Variants in TRIM24 observed in about 807,000 individuals in gnomAD.
TRIM24 encodes the protein tripartite motif containing 24.
In TRIM24, 29 loss-of-function variants were observed where a neutral mutation model predicts 123.9. The ratio of observed to expected loss-of-function variants is 0.23; its 90% CI spans 0.17 to 0.32. The LOEUF is 0.32. TRIM24 is among the 10% of genes least tolerant of loss of function. TRIM24 has a pLI of 1.00. For synonymous variants in TRIM24, 456 were observed against 461.1 expected (o/e 0.99, Z 0.14); for missense variants, 932 against 1,295.3 (o/e 0.72, Z 4.31).
chr7:138,507,794 G>A (rs1447673992), intron 2 of TRIM24, among the ~76,000 whole-genome samples: 4 of 152,114 alleles, frequency 2.6e-5, no homozygotes, highest in Admixed American at 6.5e-5. Context: ...CAAGCTGGGT[G>A]TGGTGGTGTG....
rs1408561935 is a variant in TRIM24 at position 138,523,959 on chromosome 7, G to T, written c.765-1282G>T. Among the ~76,000 whole-genome samples, 6 of 152,122 alleles carry T rather than the reference G, an allele frequency of 3.9e-5. No homozygotes were observed. In the East Asian group the frequency reaches 1.2e-3, roughly 29 times the overall value. ...AACGGAAAATAAGTAGGAAACAGAT[G>T]ATTTGAGAGGAGGGGAAAACTTGCC... On this transcript the variant is annotated intron_variant, in intron 4 of 18. Transcript: ENST00000343526.
chr7:138,469,959 G>A (rs1795234155), intron 1 of TRIM24, among the ~76,000 whole-genome samples: 1 of 152,028 alleles, frequency 6.6e-6, no homozygotes, highest in African/African-American at 2.4e-5. Flanking sequence ...TGTGCCTTAG[G>A]AAGTGGAATG....
chr7:138,570,617 T>TA lies in TRIM24; in HGVS notation c.1705-208dup, dbSNP rs554988048. On this transcript the variant is annotated intron_variant, in intron 10 of 18. Transcript: ENST00000343526. ...GTATATACTAACTGTTGTCTTCCAG[T>TA]AAAAATCAGTGCTTTTTACTGTTTT... Among the ~76,000 whole-genome samples, 231 of 150,976 alleles carry TA rather than the reference T, an allele frequency of 1.5e-3. 1 individual carries two copies. The highest frequency in any genetic ancestry group is 5.5e-3 in the African/African-American group (225 of 41,278).
At chr7:138,471,599 G>C (rs773379493) in intron 1 of TRIM24, among the ~76,000 whole-genome samples, 1 of 151,840 alleles carries the variant, frequency 6.6e-6, no homozygotes, top group Non-Finnish European at 1.5e-5. Context: ...GGAGTGCAGT[G>C]GTGCAATCTT....
chr7:138,561,831 C>T (rs1797434395), intron 9 of TRIM24, among the ~76,000 whole-genome samples: 1 of 152,182 alleles, frequency 6.6e-6, no homozygotes, highest in Admixed American at 6.5e-5. Flanking sequence ...CCTGGTCAGC[C>T]TCCCACAGGA....
At chr7:138,513,588 A>G (rs2116551974) in intron 2 of TRIM24, among the ~76,000 whole-genome samples, 1 of 152,006 alleles carries the variant, frequency 6.6e-6, no homozygotes, top group Non-Finnish European at 1.5e-5. Flanking sequence ...CACACACTTA[A>G]ACAACTAGAT....
intron 3 of TRIM24, among the ~76,000 whole-genome samples, chr7:138,518,173 A>G (rs1796438138): frequency 1.3e-5 from 2 of 152,222 alleles, no homozygotes; most frequent in Non-Finnish European, 2.9e-5. Context: ...TAAGAATGAG[A>G]TGGATACATA....
At position 138,567,654 on chromosome 7, in the gene TRIM24, G is replaced by GGT; in HGVS notation, c.1704+1_1704+2dup. Reference sequence around the variant, plus strand: ...TCTTGGCTCAACAAGCCATAAAACAGGTATATATCTACCTTCTTTTCTCAA... The same window carrying GGT: ...TCTTGGCTCAACAAGCCATAAAACAGGTGTATATATCTACCTTCTTTTCTCAA... On this transcript the variant is annotated frameshift_variant and splice_region_variant. Transcript: ENST00000343526. LOFTEE classifies it high-confidence loss of function. 1.3e-6 allele frequency: 2 copies of GGT among 1,599,892 alleles called. No homozygotes were observed. Among genetic ancestry groups the GGT allele is most frequent in the Non-Finnish European group, 1.7e-6 (2 of 1,174,564 alleles).
chr7:138,513,933 AGAT>A (rs1796341019), intron 2 of TRIM24, among the ~76,000 whole-genome samples: 1 of 152,236 alleles, frequency 6.6e-6, no homozygotes, highest in African/African-American at 2.4e-5. Flanking sequence ...CTAAGGAAGT[AGAT>A]GAGATCAATC....
In TRIM24 at chr7:138,486,232, A is replaced by T. The variant is rs534972151; in HGVS notation, c.365-18058A>T. On this transcript the variant is annotated intron_variant, in intron 1 of 18. Transcript: ENST00000343526. Reference sequence around the variant, plus strand: ...TTTACATTCTTTGTAGATTCTGGATATTAGCCCTTTGTCAGATAGGTAAAT... The same window carrying T: ...TTTACATTCTTTGTAGATTCTGGATTTTAGCCCTTTGTCAGATAGGTAAAT... 3.6e-4 allele frequency among the ~76,000 whole-genome samples: 55 copies of T among 152,296 alleles called. No homozygotes were observed. In the Middle Eastern group the frequency reaches 0.017, roughly 47 times the overall value.
chr7:138,485,400 A>G (rs1406141575), intron 1 of TRIM24, among the ~76,000 whole-genome samples: 1 of 151,748 alleles, frequency 6.6e-6, no homozygotes, highest in Non-Finnish European at 1.5e-5. Flanking sequence ...CATGTGCACA[A>G]TGTGCAGGTT....
intron 1 of TRIM24, among the ~76,000 whole-genome samples, chr7:138,492,273 C>CAAAAAAAAAAAAAAAAA (rs34380067): frequency 5.0e-5 from 3 of 60,008 alleles, no homozygotes; most frequent in Admixed American, 2.5e-4. Context: ...ACTCTGTCTC[C>CAAAAAAAAAAAAAAAAA]AAAAAAAAAA....
At chr7:138,520,229 C>T (rs1184457936) in intron 4 of TRIM24, among the ~76,000 whole-genome samples, 1 of 152,130 alleles carries the variant, frequency 6.6e-6, no homozygotes, top group Non-Finnish European at 1.5e-5. Context: ...GTGAATGTGT[C>T]TCCTTGTCTT....
chr7:138,479,500 G>A (rs1045542785), intron 1 of TRIM24, among the ~76,000 whole-genome samples: 2 of 151,974 alleles, frequency 1.3e-5, no homozygotes, highest in African/African-American at 4.8e-5. Context: ...AGACTCCTGA[G>A]TAGCTGGGCG....
At chr7:138,566,764 T>C (rs954147693) in intron 9 of TRIM24, among the ~76,000 whole-genome samples, 2 of 152,158 alleles carry the variant, frequency 1.3e-5, no homozygotes, top group Non-Finnish European at 2.9e-5. Context: ...AACATAATAA[T>C]ATGTAAAATG....
At chr7:138,484,512 T>C (rs1795604123) in intron 1 of TRIM24, among the ~76,000 whole-genome samples, 2 of 152,222 alleles carry the variant, frequency 1.3e-5, no homozygotes, top group Admixed American at 6.5e-5. Context: ...GATTTTCTAA[T>C]AGTAAAATAA....
chr7:138,479,324 A>G (rs915382385), intron 1 of TRIM24, among the ~76,000 whole-genome samples: 2 of 150,540 alleles, frequency 1.3e-5, no homozygotes, highest in East Asian at 3.9e-4. Flanking sequence ...TATTTTTATC[A>G]CTCCTTCCCT....
intron 9 of TRIM24, among the ~76,000 whole-genome samples, chr7:138,557,006 T>G (rs1301515996): frequency 6.6e-6 from 1 of 152,234 alleles, no homozygotes; most frequent in Non-Finnish European, 1.5e-5. Context: ...TTTGTAATCC[T>G]TAGCATAGCT....
At chr7:138,523,852 C>T (rs1796556671) in intron 4 of TRIM24, among the ~76,000 whole-genome samples, 1 of 151,738 alleles carries the variant, frequency 6.6e-6, no homozygotes, top group Admixed American at 6.6e-5. Context: ...CCAGCATAAC[C>T]TTTACACCAA....
Sources: allele counts gnomAD v4.1 joint callset (sites outside exome capture counted in the v4.1 genomes callset), GRCh38; gene constraint gnomAD v4.1.1; transcripts MANE v1.5; gene names NCBI Gene and HGNC (gene_info 2026-07-23, HGNC 2026-07-21).